Variants in PTGER3 observed in about 807,000 individuals in gnomAD.
PTGER3 encodes prostaglandin E2 receptor EP3 subtype.
In PTGER3, 22 loss-of-function variants were observed where a neutral mutation model predicts 34.7. The ratio of observed to expected loss-of-function variants is 0.63; its 90% CI spans 0.45 to 0.91. The LOEUF is 0.91. Ranked by LOEUF, PTGER3 falls within the 40% of genes least tolerant of loss-of-function variation. The pLI, the probability that PTGER3 is intolerant of heterozygous loss-of-function variation, is 0.00. For synonymous variants in PTGER3, 241 were observed against 230.1 expected (o/e 1.05, Z -0.43); for missense variants, 468 against 519.4 (o/e 0.90, Z 0.96).
chr1:70,942,951 T>C (rs1406025648), intron 4 of PTGER3, among the ~76,000 whole-genome samples: 2 of 152,202 alleles, frequency 1.3e-5, no homozygotes, highest in Non-Finnish European at 2.9e-5. Flanking sequence ...TGTGGGAATA[T>C]ACATTTCGAT....
chr1:71,043,961 C>A (rs185717948), intron 1 of PTGER3, among the ~76,000 whole-genome samples: 3 of 151,370 alleles, frequency 2.0e-5, no homozygotes, highest in Non-Finnish European at 4.4e-5. Context: ...AGATTACAGG[C>A]GCATGCCACC....
At chr1:71,019,482 A>G (rs545562994) in intron 1 of PTGER3, among the ~76,000 whole-genome samples, 1 of 152,248 alleles carries the variant, frequency 6.6e-6, no homozygotes, top group South Asian at 2.1e-4. Context: ...GAGCTTCTTT[A>G]TGCACTTGAG....
intron 4 of PTGER3, chr1:70,865,693 A>C (rs763890782): frequency 2.2e-6 from 3 of 1,366,450 alleles, no homozygotes; most frequent in East Asian, 9.1e-5. Flanking sequence ...ACTTACTAAG[A>C]AGTTTGAAGC....
chr1:71,007,377 A>G (rs1657064238), intron 2 of PTGER3: 1 of 985,866 alleles, frequency 1.0e-6, no homozygotes, highest in Middle Eastern at 5.2e-4. Context: ...CTTTCAAGGA[A>G]GAGTTGGGAA....
downstream of PTGER3, among the ~76,000 whole-genome samples, chr1:70,968,810 T>A (rs547044701): frequency 3.3e-5 from 5 of 151,846 alleles, no homozygotes; most frequent in African/African-American, 7.3e-5. Context: ...TTTCTCATTG[T>A]ATGAGAAGTA....
chr1:70,859,005 A>G (rs540512738), intron 4 of PTGER3, among the ~76,000 whole-genome samples: 3 of 152,324 alleles, frequency 2.0e-5, no homozygotes, highest in Non-Finnish European at 2.9e-5. Flanking sequence ...ACAGAGTTCA[A>G]TGATCCGCCT....
chr1:70,947,033 C>A (rs147781485), intron 4 of PTGER3, among the ~76,000 whole-genome samples: 26 of 152,106 alleles, frequency 1.7e-4, no homozygotes, highest in African/African-American at 5.8e-4. Context: ...GTTTGTATCT[C>A]AGCCTCAGCA....
chr1:71,008,732 A>G (rs1474632116), intron 2 of PTGER3: 1 of 977,560 alleles, frequency 1.0e-6, no homozygotes, highest in Non-Finnish European at 1.2e-6. Flanking sequence ...ACAGATTTTG[A>G]GATATGTAAA....
chr1:70,877,203 T>C (rs985643410), intron 4 of PTGER3, among the ~76,000 whole-genome samples: 1 of 152,160 alleles, frequency 6.6e-6, no homozygotes, highest in African/African-American at 2.4e-5. Context: ...GATATTTTAT[T>C]CTTTTTGTGG....
chr1:70,989,506 G>A (rs933722450), intron 2 of PTGER3, among the ~76,000 whole-genome samples: 6 of 152,000 alleles, frequency 3.9e-5, no homozygotes, highest in Admixed American at 3.9e-4. Context: ...TTTTTATGAT[G>A]TCTGAGTTTT....
rs190994867 is a variant in PTGER3, at chr1:70,902,875, A to C, written c.*24-50016T>G. Among the ~76,000 whole-genome samples the C allele has an allele frequency of 2.1e-4, 32 of 152,322 alleles. No individual in the cohort carries two copies. The East Asian group carries it at 6.2e-3, about 29-fold the overall frequency. The stretch of plus-strand genomic sequence containing the variant: ...TGAGCCTAAGAAAAGAGAAACACTC[A>C]TAATACCTGTAGCGGGTTGAATGCT... On this transcript the variant is annotated intron_variant, in intron 4 of 4. Transcript: ENST00000370931.
At chr1:70,862,378 C>A (rs762102770) in intron 4 of PTGER3, 15 of 1,366,638 alleles carry the variant, frequency 1.1e-5, no homozygotes, top group East Asian at 9.1e-5. Context: ...ATCAGCTTAG[C>A]TGGACACTGC....
chr1:71,007,332 G>A, intron 2 of PTGER3: 1 of 985,770 alleles, frequency 1.0e-6, no homozygotes, highest in South Asian at 4.7e-5. Context: ...AAAAACATTT[G>A]ATAAGGAGAG....
intron 4 of PTGER3, among the ~76,000 whole-genome samples, chr1:70,861,236 TG>T (rs1645920740): frequency 6.6e-6 from 1 of 152,248 alleles, no homozygotes; most frequent in Non-Finnish European, 1.5e-5. Context: ...AGATGCATTT[TG>T]AATAATTTTT....
intron 2 of PTGER3, chr1:71,011,201 A>C (rs1347114973): frequency 1.0e-6 from 1 of 985,314 alleles, no homozygotes; most frequent in Non-Finnish European, 1.2e-6. Flanking sequence ...AAAACATTTT[A>C]GTAATAAATA....
chr1:71,019,614 G>A (rs527373195), intron 1 of PTGER3, among the ~76,000 whole-genome samples: 1 of 152,224 alleles, frequency 6.6e-6, no homozygotes, highest in East Asian at 1.9e-4. Context: ...CAGTGATAAC[G>A]TTCTTTTAAG....
intron 1 of PTGER3, among the ~76,000 whole-genome samples, chr1:71,024,972 C>T (rs1276938552): frequency 2.6e-5 from 4 of 151,488 alleles, no homozygotes; most frequent in South Asian, 2.1e-4. Flanking sequence ...AGGTTTGTTA[C>T]GTGTATACAT....
chr1:70,871,610 C>T (rs376728263), intron 4 of PTGER3, among the ~76,000 whole-genome samples: 11 of 152,186 alleles, frequency 7.2e-5, no homozygotes, highest in African/African-American at 2.4e-4. Context: ...GGTGAGAGAA[C>T]TGAAACCAAT....
chr1:70,993,367 G>A (rs34285961), intron 2 of PTGER3, among the ~76,000 whole-genome samples: 35,611 of 152,018 alleles, frequency 0.23, 4,337 homozygotes, highest in Middle Eastern at 0.29. Flanking sequence ...ATATGTCTGT[G>A]CGATAGAGCT....
Sources: gnomAD v4.1 joint callset for allele counts (sites outside exome capture counted in the v4.1 genomes callset) on GRCh38, gnomAD v4.1.1 for gene constraint, MANE v1.5 for transcripts, NCBI Gene and HGNC (gene_info 2026-07-23, HGNC 2026-07-21) for gene names.